The following PHC3 variants were observed in gnomAD, a reference collection of about 807,000 sequenced individuals.
The protein encoded by PHC3 is polyhomeotic homolog 3, also known as polyhomeotic-like protein 3.
A neutral mutation model predicts 107.4 loss-of-function variants in PHC3; 13 were observed. The ratio of observed to expected loss-of-function variants is 0.12; its 90% CI spans 0.08 to 0.19. PHC3 has a LOEUF of 0.19. PHC3 is among the 10% of genes least tolerant of loss of function. The pLI, the probability that PHC3 is intolerant of heterozygous loss-of-function variation, is 1.00. For missense variants in PHC3, 992 were observed against 1,210.9 expected (o/e 0.82, Z 2.68); for synonymous variants, 456 against 427.4 (o/e 1.07, Z -0.83).
chr3:170,143,491 C>T (rs1724430908), intron 6 of PHC3, among the ~76,000 whole-genome samples: 1 of 151,480 alleles, frequency 6.6e-6, no homozygotes, highest in Non-Finnish European at 1.5e-5. Context: ...AATATTATTA[C>T]TACCTCATTT....
chr3:170,093,685 G>A lies in PHC3; in HGVS notation c.*3545C>T, dbSNP rs1199693399. 6.6e-6 allele frequency: 1 copy of A among 152,080 alleles called. No individual in the cohort carries two copies. The highest frequency in any genetic ancestry group is 2.4e-5 in the African/African-American group (1 of 41,396). 9.4% of individuals were successfully genotyped at this position (152,080 alleles called of 1,614,324 possible). Reference sequence around the variant, plus strand: ...AGACATTTAACTGAACAAGTCAGTGGGAGACAGGGCACTATAACACATTTC... The same window carrying A: ...AGACATTTAACTGAACAAGTCAGTGAGAGACAGGGCACTATAACACATTTC... On this transcript the variant is annotated 3_prime_UTR_variant, in exon 15 of 15. Coordinates refer to ENST00000495893, the MANE Select transcript of PHC3 (RefSeq NM_024947.4).
chr3:170,171,128 G>C, intron 4 of PHC3: 1 of 532,536 alleles, frequency 1.9e-6, no homozygotes, highest in South Asian at 2.8e-5. Flanking sequence ...CATAAGATCT[G>C]AACATGATCA....
intron 11 of PHC3, among the ~76,000 whole-genome samples, chr3:170,110,865 ACT>A (rs1717508651): frequency 1.3e-5 from 2 of 152,186 alleles, no homozygotes; most frequent in Non-Finnish European, 2.9e-5. Context: ...CATTATAAAT[ACT>A]TTTTAGCCTA....
Position 170,102,557 on chromosome 3 carries a change from C to T in PHC3, c.2755G>A (p.Asp919Asn). The change falls in exon 14 of 15, where the codon GAC becomes AAC. Residue 919 changes from aspartate (D) to asparagine (N), a missense_variant. By Grantham distance (23) the Asp-to-Asn change is conservative. Around this residue, in one of 6 missense-constraint regions of PHC3, gnomAD observed 228 missense variants for 288.8 expected, o/e 0.79. Coordinates refer to ENST00000495893, the MANE Select transcript of PHC3 (RefSeq NM_024947.4). ...TCTGTTTGTGCAACTGGTAGCAAGT[C>T]ACTGTTCTCAGGCATTTTCCGAATT... is the stretch of plus-strand genomic sequence containing the variant. Reference protein sequence around the residue: ...VRIRKMPENSDLLPVAQTEPS... With the variant: ...VRIRKMPENSNLLPVAQTEPS... The T allele has an allele frequency of 1.2e-6, 2 of 1,613,868 alleles. No individual in the cohort carries two copies.
At chr3:170,163,368 T>C (rs1187582143) in intron 4 of PHC3, among the ~76,000 whole-genome samples, 1 of 152,008 alleles carries the variant, frequency 6.6e-6, no homozygotes, top group East Asian at 1.9e-4. Context: ...GAGAATGACA[T>C]ATACATAGCC....
chr3:170,104,420 C>T (rs755835880), intron 12 of PHC3, among the ~76,000 whole-genome samples: 8 of 152,068 alleles, frequency 5.3e-5, no homozygotes, highest in Non-Finnish European at 7.4e-5. Flanking sequence ...ATATATGAAA[C>T]GCCTTGGTAA....
intron 4 of PHC3, among the ~76,000 whole-genome samples, chr3:170,160,733 T>G (rs957986723): frequency 6.6e-6 from 1 of 152,090 alleles, no homozygotes; most frequent in African/African-American, 2.4e-5. Context: ...AAACCCTGTC[T>G]CTACTGAAAA....
intron 4 of PHC3, among the ~76,000 whole-genome samples, chr3:170,163,462 G>A (rs1446444398): frequency 0.034 from 22 of 642 alleles, no homozygotes; most frequent in African/African-American, 0.056. Flanking sequence ...TTAGTAAAGA[G>A]TGTGTGTGTG....
chr3:170,161,888 C>G (rs1727951480), intron 4 of PHC3, among the ~76,000 whole-genome samples: 1 of 152,164 alleles, frequency 6.6e-6, no homozygotes, highest in Non-Finnish European at 1.5e-5. Flanking sequence ...CCTTTAACTT[C>G]TATCACATCC....
In PHC3 at chr3:170,089,914, C is replaced by CAAAA. The variant is rs1178846219; in HGVS notation, c.*7312_*7315dup. On this transcript the variant is annotated 3_prime_UTR_variant, in exon 15 of 15. Coordinates refer to ENST00000495893, the MANE Select transcript of PHC3 (RefSeq NM_024947.4). ...CCTGGGCAACAGAGCGAACCCATCTCAAAAAAAAAAAAAAGAAAAAAAAAA... is the reference window on the plus strand; with the variant it reads ...CCTGGGCAACAGAGCGAACCCATCTCAAAAAAAAAAAAAAAAAAGAAAAAAAAAA... The CAAAA allele has an allele frequency of 4.4e-4, 19 of 43,466 alleles. No homozygotes were observed. The highest frequency in any genetic ancestry group is 7.6e-4 in the South Asian group (1 of 1,316). 2.7% of individuals were successfully genotyped at this position (43,466 alleles called of 1,614,324 possible).
chr3:170,103,513 CTCTT>C (rs72342188), intron 12 of PHC3, among the ~76,000 whole-genome samples: 2,805 of 152,252 alleles, frequency 0.018, 92 homozygotes, highest in African/African-American at 0.064. Flanking sequence ...AAGTATATAA[CTCTT>C]TAATGAAAGA....
chr3:170,149,343 T>C (rs1040991587), intron 4 of PHC3, 99 bp from the exon 5 acceptor site: 4 of 1,205,974 alleles, frequency 3.3e-6, no homozygotes, highest in Admixed American at 2.7e-5. Flanking sequence ...TGGTATAAAC[T>C]GTGGCTAAGG....
At chr3:170,112,091 A>C (rs970157942) in intron 11 of PHC3, among the ~76,000 whole-genome samples, 3 of 152,218 alleles carry the variant, frequency 2.0e-5, no homozygotes, top group African/African-American at 7.2e-5. Flanking sequence ...CTCAGCCCAA[A>C]AAACAGTAAA....
chr3:170,105,742 A>T (rs1560024831), intron 12 of PHC3, among the ~76,000 whole-genome samples: 1 of 152,240 alleles, frequency 6.6e-6, no homozygotes, highest in Non-Finnish European at 1.5e-5. Flanking sequence ...TTGAAAGAAT[A>T]ATTACCTTTT....
At chr3:170,164,340 CA>C (rs1728400597) in intron 4 of PHC3, among the ~76,000 whole-genome samples, 1 of 152,168 alleles carries the variant, frequency 6.6e-6, no homozygotes, top group Non-Finnish European at 1.5e-5. Context: ...ACAGTTTGTT[CA>C]ATTTTATTTA....
At chr3:170,179,533 G>C (rs898549662) in intron 1 of PHC3, among the ~76,000 whole-genome samples, 3 of 152,090 alleles carry the variant, frequency 2.0e-5, no homozygotes, top group Non-Finnish European at 4.4e-5. Context: ...ACTTCTAATA[G>C]CTGAGTTATA....
chr3:170,128,853 G>C lies in PHC3; in HGVS notation c.1619C>G (p.Pro540Arg), dbSNP rs1721778476. 6.2e-7 allele frequency: 1 copy of C among 1,614,034 alleles called. No homozygotes were observed. The highest frequency in any genetic ancestry group is 2.2e-5 in the East Asian group (1 of 44,886). The change falls in exon 8 of 15, where the codon CCT becomes CGT. Residue 540 changes from proline (P) to arginine (R), a missense_variant. Pro to Arg is a moderately radical substitution (Grantham distance 103). Transcript: ENST00000495893. ...AACCTGGCCCTGGGACAGAATTTCA[G>C]GCTGCACTTGTAAAGACTGCATAGA... is the stretch of plus-strand genomic sequence containing the variant. ...LQSMQSLQVQ[P>R]EILSQGQVLV...
intron 4 of PHC3, among the ~76,000 whole-genome samples, chr3:170,162,768 C>T (rs1173579973): frequency 6.6e-6 from 1 of 152,154 alleles, no homozygotes; most frequent in Non-Finnish European, 1.5e-5. Context: ...ACCCAAAGGT[C>T]TTATAATTTC....
chr3:170,107,884 C>G (rs1716873360), intron 11 of PHC3, among the ~76,000 whole-genome samples: 1 of 152,096 alleles, frequency 6.6e-6, no homozygotes, highest in Non-Finnish European at 1.5e-5. Flanking sequence ...AAGCAAACAA[C>G]TAAATCTTCA....
Sources: gnomAD v4.1 joint callset for allele counts (sites outside exome capture counted in the v4.1 genomes callset) on GRCh38, gnomAD v4.1.1 for gene constraint, gnomAD v4.1.1 regional missense constraint, MANE v1.5 for transcripts, NCBI Gene and HGNC (gene_info 2026-07-23, HGNC 2026-07-21) for gene names.